ZNF24: variants seen among roughly 807,000 people sequenced by gnomAD.
ZNF24 encodes the protein zinc finger protein 24.
ZNF24 carries 11 observed loss-of-function variants against 40.9 expected under a neutral mutation model. The ratio of observed to expected loss-of-function variants is 0.27; its 90% confidence interval spans 0.17 to 0.45. ZNF24 has a LOEUF of 0.45. Ranked by LOEUF, ZNF24 falls within the 20% of genes least tolerant of loss-of-function variation. The probability of loss-of-function intolerance (pLI) is 1.00; values close to 1 mark genes in which losing one functional copy is unlikely to be tolerated. For missense variants in ZNF24, 293 were observed against 437.7 expected (o/e 0.67, Z 2.95); for synonymous variants, 139 against 154.7 (o/e 0.90, Z 0.75).
At position 35,337,252 on chromosome 18, in the gene ZNF24, G is replaced by A. The variant is rs772967511; in HGVS notation, c.1087C>T (p.Leu363=). 2 of 1,435,256 alleles carry A rather than the reference G, an allele frequency of 1.4e-6. No individual in the cohort carries two copies. The highest frequency in any genetic ancestry group is 1.8e-6 in the Non-Finnish European group (2 of 1,084,436). 88.9% of individuals were successfully genotyped at this position (1,435,256 alleles called of 1,614,324 possible). The change falls in exon 4 of 4, where the codon CTG becomes TTG. Residue 363 remains leucine (L), a synonymous_variant. Coordinates refer to ENST00000261332, the MANE Select transcript of ZNF24 (RefSeq NM_006965.4). ...HQRRHNAEKL[L]NVVKV ...ATTTCTTAAACTTTCACAACATTCA[G>A]AAGTTTTTCTGCATTGTGTCTTCTC...
rs762800880 is a variant in ZNF24 at position 35,340,520 on chromosome 18, T to C, written c.131A>G (p.His44Arg). Residue 44 changes from histidine (H) to arginine (R), a missense_variant, in exon 2 of 4, where the codon CAT (histidine) becomes CGT (arginine). His to Arg is a conservative substitution (Grantham distance 29). Coordinates refer to ENST00000261332, the MANE Select transcript of ZNF24 (RefSeq NM_006965.4). The surrounding 1 kb of genome is among the most constrained non-coding windows in gnomAD (Gnocchi z 4.6). ...GEEGSSIPWN[H>R]LPDPEIFRQR... ...TCGGAAAATCTCTGGGTCTGGGAGA[T>C]GGTTCCAGGGGATACTTGATCCCTC... The C allele has an allele frequency of 3.1e-6, 5 of 1,614,214 alleles. No homozygotes were observed. The highest frequency in any genetic ancestry group is 2.2e-5 in the South Asian group (2 of 91,088).
intron 1 of ZNF24, among the ~76,000 whole-genome samples, chr18:35,342,176 C>A (rs961265005): frequency 1.3e-4 from 19 of 149,286 alleles, no homozygotes; most frequent in Non-Finnish European, 2.2e-4. Context: ...AGCCTGGCGA[C>A]AGAGCGAGAC....
rs773626400 is a variant in ZNF24 at position 35,339,991 on chromosome 18, AT to A, written c.421-16del. ...CGGAGAGAAACCTGGAAACAGAAAG[AT>A]TTGATTCAGAGAAGGAACTGTAATG... On this transcript the variant is annotated splice_polypyrimidine_tract_variant and intron_variant, in intron 2 of 3. Coordinates refer to ENST00000261332, the MANE Select transcript of ZNF24 (RefSeq NM_006965.4). The A allele has an allele frequency of 6.2e-7, 1 of 1,602,632 alleles. No homozygotes were observed. Among genetic ancestry groups the A allele is most frequent in the South Asian group, 1.1e-5 (1 of 90,420 alleles).
chr18:35,334,381 C>T lies in ZNF24; in HGVS notation c.*2851G>A, dbSNP rs977676132. 6.6e-6 allele frequency: 1 copy of T among 152,184 alleles called. No individual in the cohort carries two copies. The highest frequency in any genetic ancestry group is 1.5e-5 in the Non-Finnish European group (1 of 68,034). The allele number at this position is 152,184 out of a possible 1,614,324, so 9.4% of individuals were successfully genotyped here. A position where few individuals can be genotyped will look rare whatever the true frequency, so the allele number is the denominator to read the frequency against. On this transcript the variant is annotated 3_prime_UTR_variant, in exon 4 of 4. Transcript: ENST00000261332. ...CTCTGAATCTTGCTTTCCTAGTCCA[C>T]AAATCTAAGTGAGATAGGTACGGTG...
chr18:35,341,478 G>C (rs2044968018), intron 1 of ZNF24, among the ~76,000 whole-genome samples: 1 of 152,136 alleles, frequency 6.6e-6, no homozygotes, highest in Non-Finnish European at 1.5e-5. Context: ...TATTATTTTA[G>C]AGTGTGCTCC....
At position 35,337,762 on chromosome 18, in the gene ZNF24, C is replaced by T. The variant is rs377377194; in HGVS notation, c.577G>A (p.Gly193Ser). The change falls in exon 4 of 4, where the codon GGT (glycine) becomes AGT (serine). Residue 193 changes from glycine to serine, a missense_variant. Transcript: ENST00000261332. ...LHSLRHCDDD[G>S]RTENGALAPK... The stretch of plus-strand genomic sequence containing the variant: ...GCTAGTGCTCCATTTTCAGTCCTAC[C>T]ATCATCATCTGAAATAAACAGAAAA... The T allele has an allele frequency of 3.8e-6, 6 of 1,561,606 alleles. No individual in the cohort carries two copies. The African/African-American group carries it at 5.5e-5, about 14-fold the overall frequency.
intron 1 of ZNF24, among the ~76,000 whole-genome samples, chr18:35,343,309 A>G (rs931322587): frequency 1.3e-5 from 2 of 152,240 alleles, no homozygotes; most frequent in African/African-American, 4.8e-5. Flanking sequence ...AGGCACTCGC[A>G]TAAGCACCTT....
At chr18:35,342,843 C>G (rs951659429) in intron 1 of ZNF24, among the ~76,000 whole-genome samples, 1 of 152,158 alleles carries the variant, frequency 6.6e-6, no homozygotes, top group Non-Finnish European at 1.5e-5. Context: ...TATATGGCCG[C>G]TTACAGAAAA....
At chr18:35,339,051 C>T in intron 3 of ZNF24, 1 of 1,536,020 alleles carries the variant, frequency 6.5e-7, no homozygotes, top group Non-Finnish European at 8.7e-7. Flanking sequence ...AGCACCATCT[C>T]CAACTACTTC....
In ZNF24 at chr18:35,337,744, C is replaced by G; in HGVS notation, c.595G>C (p.Ala199Pro). ...CDDDGRTENG[A>P]LAPKQELPSA... ...GGAAGCTCCTGCTTTGGAGCTAGTGCTCCATTTTCAGTCCTACCATCATCA... is the reference window on the plus strand; with the variant it reads ...GGAAGCTCCTGCTTTGGAGCTAGTGGTCCATTTTCAGTCCTACCATCATCA... Residue 199 changes from alanine to proline, a missense_variant, in exon 4 of 4, where the codon GCA (alanine) becomes CCA (proline). Transcript: ENST00000261332. 2 of 1,595,118 alleles carry G rather than the reference C, an allele frequency of 1.3e-6. No individual in the cohort carries two copies. Among genetic ancestry groups the G allele is most frequent in the Non-Finnish European group, 1.7e-6 (2 of 1,172,994 alleles).
intron 1 of ZNF24, among the ~76,000 whole-genome samples, chr18:35,343,288 C>A (rs899811787): frequency 2.0e-5 from 3 of 152,172 alleles, no homozygotes; most frequent in African/African-American, 7.2e-5. Flanking sequence ...ACAGAAACTT[C>A]TATTAAGAAA....
chr18:35,338,144 T>TC (rs2044929795), intron 3 of ZNF24: 1 of 982,742 alleles, frequency 1.0e-6, no homozygotes, highest in Non-Finnish European at 1.2e-6. Context: ...ATTATAATGT[T>TC]CTTTTACTTT....
intron 1 of ZNF24, chr18:35,344,026 A>G (rs1388769954): frequency 6.6e-6 from 1 of 152,172 alleles, no homozygotes; most frequent in Non-Finnish European, 1.5e-5. Flanking sequence ...GTCTCGTCCC[A>G]CTACCACCCC....
In ZNF24 at chr18:35,337,348, C is replaced by T; in HGVS notation, c.991G>A (p.Gly331Arg). 1 of 1,613,946 alleles carries T rather than the reference C, an allele frequency of 6.2e-7. No individual in the cohort carries two copies. The highest frequency in any genetic ancestry group is 8.5e-7 in the Non-Finnish European group (1 of 1,179,914). The change falls in exon 4 of 4, where the codon GGG becomes AGG. Residue 331 changes from glycine to arginine, a missense_variant. Physicochemically the swap from Gly to Arg is moderately radical, Grantham distance 125 (BLOSUM62 -2). Around this residue, in one of 2 missense-constraint regions of ZNF24, gnomAD observed 59 missense variants for 138.6 expected, o/e 0.43. Transcript: ENST00000261332. ...TGAACGCATTCATAAGGTTTCTCCC[C>T]AGTATGGATTCTCTGATGATTAATA... is the stretch of plus-strand genomic sequence containing the variant. ...GLINHQRIHT[G>R]EKPYECVQCG...
At chr18:35,342,470 C>T (rs1414855818) in intron 1 of ZNF24, 3 of 152,012 alleles carry the variant, frequency 2.0e-5, no homozygotes, top group Non-Finnish European at 1.5e-5. Flanking sequence ...TCACCACTCA[C>T]TCACTGACTT....
In ZNF24 at chr18:35,335,997, C is replaced by T. The variant is rs1214349077; in HGVS notation, c.*1235G>A. 1 of 152,328 alleles carries T rather than the reference C, an allele frequency of 6.6e-6. No individual in the cohort carries two copies. The highest frequency in any genetic ancestry group is 1.5e-5 in the Non-Finnish European group (1 of 68,018). The allele number at this position is 152,328 out of a possible 1,614,324, so 9.4% of individuals were successfully genotyped here. The stretch of plus-strand genomic sequence containing the variant: ...AGCTCTTTTGAGCCGAGTCCTCCTC[C>T]CCCTCCAAATACAACACCCTGGTAA... On this transcript the variant is annotated 3_prime_UTR_variant, in exon 4 of 4. Coordinates refer to ENST00000261332, the MANE Select transcript of ZNF24 (RefSeq NM_006965.4).
chr18:35,332,786 T>C lies in ZNF24; in HGVS notation c.*4446A>G, dbSNP rs1198134916. The C allele has an allele frequency of 6.6e-6, 1 of 152,584 alleles. No individual in the cohort carries two copies. The highest frequency in any genetic ancestry group is 2.4e-5 in the African/African-American group (1 of 41,430). The allele number at this position is 152,584 out of a possible 1,614,324, so 9.5% of individuals were successfully genotyped here. On this transcript the variant is annotated 3_prime_UTR_variant, in exon 4 of 4. Transcript: ENST00000261332. ...TGTTACCAGAAGATGGGGAAGGAGA[T>C]GCTGAACAAATAAAAACAATATATC...
rs1463502317 is a variant in ZNF24 at position 35,336,374 on chromosome 18, C to T, written c.*858G>A. 6.6e-6 allele frequency: 1 copy of T among 152,296 alleles called. No individual in the cohort carries two copies. Among genetic ancestry groups the T allele is most frequent in the South Asian group, 2.1e-4 (1 of 4,826 alleles). The allele number at this position is 152,296 out of a possible 1,614,324, so 9.4% of individuals were successfully genotyped here. On this transcript the variant is annotated 3_prime_UTR_variant, in exon 4 of 4. Transcript: ENST00000261332. ...ATCTTTTTCTAAAAGCCATGACAGA[C>T]CATTACCCTTATGTTTACATTTGCC...
In ZNF24 at chr18:35,334,640, C is replaced by G. The variant is rs9958086; in HGVS notation, c.*2592G>C. The G allele has an allele frequency of 4.8e-5, 4 of 83,880 alleles. No homozygotes were observed. The Admixed American group carries it at 5.2e-4, about 11-fold the overall frequency. 5.2% of individuals were successfully genotyped at this position (83,880 alleles called of 1,614,324 possible). ...CTCATTTGCTAACCAAACAGATACTCTGGCGATGCCACTGCTTGGCACTGC... is the reference window on the plus strand; with the variant it reads ...CTCATTTGCTAACCAAACAGATACTGTGGCGATGCCACTGCTTGGCACTGC... On this transcript the variant is annotated 3_prime_UTR_variant, in exon 4 of 4. Coordinates refer to ENST00000261332, the MANE Select transcript of ZNF24 (RefSeq NM_006965.4).
Sources: gnomAD v4.1 joint callset for allele counts (sites outside exome capture counted in the v4.1 genomes callset) on GRCh38, gnomAD v4.1.1 for gene constraint, gnomAD v4.1.1 regional missense constraint, Gnocchi (gnomAD v3.1) non-coding constraint, MANE v1.5 for transcripts, NCBI Gene and HGNC (gene_info 2026-07-23, HGNC 2026-07-21) for gene names.